ZNF592: variants seen among roughly 807,000 people sequenced by gnomAD.
The protein encoded by ZNF592 is zinc finger protein 592.
In ZNF592, 11 loss-of-function variants were observed where a neutral mutation model predicts 80.3. That is an observed-to-expected ratio of 0.14 (90% CI 0.09 to 0.23). The LOEUF is 0.23. Among genes scored for constraint, ZNF592 ranks in the 10% least tolerant of loss-of-function variants. The pLI is 1.00. For synonymous variants in ZNF592, 646 were observed against 640.3 expected (o/e 1.01, Z -0.13); for missense variants, 1,420 against 1,633.9 (o/e 0.87, Z 2.26).
chr15:84,779,665 A>G lies in ZNF592; in HGVS notation c.-20+1353A>G, dbSNP rs371722359. On this transcript the variant is annotated intron_variant, in intron 3 of 10. Transcript: ENST00000560079. ...CTGTGCCTGACCTAAAATCTCTATA[A>G]AAGTTTTTTTTTCTGCTGCTAATAT... Among the ~76,000 whole-genome samples the G allele has an allele frequency of 9.2e-5, 14 of 152,028 alleles. No homozygotes were observed. In the East Asian group the frequency reaches 2.1e-3, roughly 23 times the overall value.
At chr15:84,774,042 T>G (rs1274398092) in intron 2 of ZNF592, among the ~76,000 whole-genome samples, 1 of 152,234 alleles carries the variant, frequency 6.6e-6, no homozygotes, top group African/African-American at 2.4e-5. Context: ...CTAAGCTGAT[T>G]GAACAGTGTA....
chr15:84,790,822 G>C lies in ZNF592; in HGVS notation c.2338G>C (p.Ala780Pro). ...CPECGVLCRS[A>P]YFQTHVKENC... is the part of the protein sequence containing the mutation. ...GGAGTGTGGGGTCCTCTGCCGCTCT[G>C]CCTACTTCCAGACCCATGTAAAGGA... Residue 780 changes from alanine (A) to proline (P), a missense_variant, in exon 5 of 11, where the codon GCC becomes CCC. Around this residue, in one of 7 missense-constraint regions of ZNF592, gnomAD observed 524 missense variants for 628.3 expected, o/e 0.83. Transcript: ENST00000560079. 6.2e-7 allele frequency: 1 copy of C among 1,614,218 alleles called. No individual in the cohort carries two copies. Among genetic ancestry groups the C allele is most frequent in the Middle Eastern group, 1.6e-4 (1 of 6,062 alleles).
At chr15:84,749,269 C>G (rs1398313357) in intron 1 of ZNF592, among the ~76,000 whole-genome samples, 2 of 152,184 alleles carry the variant, frequency 1.3e-5, no homozygotes, top group African/African-American at 4.8e-5. Context: ...TGAAAATTGT[C>G]TCTCTGCAAG....
intron 2 of ZNF592, among the ~76,000 whole-genome samples, chr15:84,770,715 C>G (rs1263871699): frequency 6.6e-6 from 1 of 151,986 alleles, no homozygotes; most frequent in Non-Finnish European, 1.5e-5. Flanking sequence ...AACCAAAAAG[C>G]AGGAATCCAT....
intron 2 of ZNF592, 114 bp downstream of exon 2, chr15:84,764,929 A>G (rs985194625): frequency 3.3e-5 from 13 of 394,526 alleles, no homozygotes; most frequent in Non-Finnish European, 5.4e-5. Context: ...TGATGATAAA[A>G]TACATATAAC....
chr15:84,783,307 C>T lies in ZNF592; in HGVS notation c.632C>T (p.Pro211Leu). 6.2e-7 allele frequency: 1 copy of T among 1,614,226 alleles called. No individual in the cohort carries two copies. Among genetic ancestry groups the T allele is most frequent in the East Asian group, 2.2e-5 (1 of 44,882 alleles). The part of the protein sequence containing the change: ...CKKEPKPEPL[P>L]LGSQQEHEQS... ...AAAGAACCCAAGCCAGAACCCCTGC[C>T]CTTGGGGAGCCAGCAGGAACACGAG... Residue 211 changes from proline to leucine, a missense_variant, in exon 4 of 11, where the codon CCC becomes CTC. Coordinates refer to ENST00000560079, the MANE Select transcript of ZNF592 (RefSeq NM_014630.3). The surrounding 1 kb of genome is among the most constrained non-coding windows in gnomAD (Gnocchi z 5.0).
In ZNF592 at chr15:84,802,571, G is replaced by A. The variant is rs1963132947; in HGVS notation, c.*178G>A. ...ATCCCCCAGCCCCAGGAAATGTGGGGTCGGCCAGGACCCTCACAGCTCTGA... is the reference window on the plus strand; with the variant it reads ...ATCCCCCAGCCCCAGGAAATGTGGGATCGGCCAGGACCCTCACAGCTCTGA... On this transcript the variant is annotated 3_prime_UTR_variant, in exon 11 of 11. Coordinates refer to ENST00000560079, the MANE Select transcript of ZNF592 (RefSeq NM_014630.3). The A allele has an allele frequency of 2.8e-6, 2 of 726,396 alleles. No homozygotes were observed. The highest frequency in any genetic ancestry group is 1.8e-5 in the African/African-American group (1 of 56,962). The allele number at this position is 726,396 out of a possible 1,614,324, so 45.0% of individuals were successfully genotyped here.
Position 84,783,033 on chromosome 15 carries a change from G to A in ZNF592, c.358G>A (p.Ala120Thr), listed in dbSNP as rs759601184. Residue 120 changes from alanine (A) to threonine (T), a missense_variant, in exon 4 of 11, where the codon GCC becomes ACC. By Grantham distance (58) the Ala-to-Thr change is moderately conservative. Around this residue, in one of 7 missense-constraint regions of ZNF592, gnomAD observed 373 missense variants for 355.5 expected, o/e 1.05. Transcript: ENST00000560079. This position sits in a 1 kb window ranked among gnomAD's most constrained non-coding sequence, Gnocchi z 5.0. ...TTCTACTTTTATGAATGGAGACAGT[G>A]CCAGGAGTTTCCCTGGCAAACTGGA... is the stretch of plus-strand genomic sequence containing the variant. ...FDSTFMNGDS[A>T]RSFPGKLEPP... The A allele has an allele frequency of 1.2e-6, 2 of 1,614,164 alleles. No homozygotes were observed. Among genetic ancestry groups the A allele is most frequent in the Admixed American group, 1.7e-5 (1 of 60,018 alleles).
Position 84,802,566 on chromosome 15 carries a change from G to A in ZNF592, c.*173G>A. 2 of 765,884 alleles carry A rather than the reference G, an allele frequency of 2.6e-6. No homozygotes were observed. Among genetic ancestry groups the A allele is most frequent in the Non-Finnish European group, 4.2e-6 (2 of 473,744 alleles). The allele number at this position is 765,884 out of a possible 1,614,324, so 47.4% of individuals were successfully genotyped here. On this transcript the variant is annotated 3_prime_UTR_variant, in exon 11 of 11. Coordinates refer to ENST00000560079, the MANE Select transcript of ZNF592 (RefSeq NM_014630.3). ...TGGGTATCCCCCAGCCCCAGGAAAT[G>A]TGGGGTCGGCCAGGACCCTCACAGC...
intron 3 of ZNF592, among the ~76,000 whole-genome samples, 190 bp downstream of exon 3, chr15:84,778,502 G>A (rs1206368471): frequency 6.6e-6 from 1 of 152,248 alleles, no homozygotes; most frequent in Non-Finnish European, 1.5e-5. Flanking sequence ...CATGTTGCCA[G>A]GAACATGTAG....
At chr15:84,777,411 G>A (rs578178448) in intron 2 of ZNF592, among the ~76,000 whole-genome samples, 38 of 151,186 alleles carry the variant, frequency 2.5e-4, no homozygotes, top group African/African-American at 8.7e-4. Context: ...GGGAAGTGGA[G>A]GTTGCAGTGA....
chr15:84,796,268 TA>T lies in ZNF592; in HGVS notation c.2400-1600del, dbSNP rs1428492339. 2.3e-4 allele frequency among the ~76,000 whole-genome samples: 9 copies of T among 39,360 alleles called. No individual in the cohort carries two copies. The South Asian group carries it at 3.9e-3, about 17-fold the overall frequency. The allele number at this position is 39,360 out of a possible 152,430, so 25.8% of individuals were successfully genotyped here. ...TATATATATATATATATATATATTT[TA>T]TATATATATATATATATATATATAT... On this transcript the variant is annotated intron_variant, in intron 5 of 10. Coordinates refer to ENST00000560079, the MANE Select transcript of ZNF592 (RefSeq NM_014630.3).
intron 5 of ZNF592, among the ~76,000 whole-genome samples, chr15:84,794,098 G>T (rs1023456353): frequency 7.3e-5 from 11 of 150,928 alleles, no homozygotes; most frequent in Admixed American, 2.0e-4. Context: ...TCAGCGGGTG[G>T]GGGGCTAGGG....
chr15:84,798,001 C>T lies in ZNF592; in HGVS notation c.2532C>T (p.Asp844=), dbSNP rs1378967331. Residue 844 remains aspartate, a synonymous_variant, in exon 6 of 11, where the codon GAC becomes GAT. Coordinates refer to ENST00000560079, the MANE Select transcript of ZNF592 (RefSeq NM_014630.3). This position sits in a 1 kb window ranked among gnomAD's most constrained non-coding sequence, Gnocchi z 4.5. ...MAFKTASSTA[D]HSATQHPTQP... ...TCAAGACTGCCAGCAGCACTGCAGA[C>T]CACAGTGCCACCCAGCACCCCACCC... 1.2e-6 allele frequency: 2 copies of T among 1,614,020 alleles called. No individual in the cohort carries two copies. Among genetic ancestry groups the T allele is most frequent in the East Asian group, 2.2e-5 (1 of 44,894 alleles).
rs776741627 is a variant in ZNF592 at position 84,783,294 on chromosome 15, C to G, written c.619C>G (p.Pro207Ala). 6.2e-6 allele frequency: 10 copies of G among 1,614,118 alleles called. No individual in the cohort carries two copies. The East Asian group carries it at 2.0e-4, about 32-fold the overall frequency. The change falls in exon 4 of 11, where the codon CCA (proline) becomes GCA (alanine). Residue 207 changes from proline to alanine, a missense_variant. Around this residue, in one of 7 missense-constraint regions of ZNF592, gnomAD observed 373 missense variants for 355.5 expected, o/e 1.05. Coordinates refer to ENST00000560079, the MANE Select transcript of ZNF592 (RefSeq NM_014630.3). The surrounding 1 kb of genome is among the most constrained non-coding windows in gnomAD (Gnocchi z 5.0). ...TCATTTTTGTAAGAAAGAACCCAAG[C>G]CAGAACCCCTGCCCTTGGGGAGCCA... Reference protein sequence around the residue: ...FDHFCKKEPKPEPLPLGSQQE... With the variant: ...FDHFCKKEPKAEPLPLGSQQE...
chr15:84,751,934 C>CA (rs1015471902), intron 1 of ZNF592, among the ~76,000 whole-genome samples: 5 of 151,418 alleles, frequency 3.3e-5, no homozygotes, highest in Middle Eastern at 3.4e-3. Flanking sequence ...ACAACAACAA[C>CA]AAAAAAAACT....
At position 84,802,639 on chromosome 15, in the gene ZNF592, C is replaced by T. The variant is rs1381658105; in HGVS notation, c.*246C>T. 7.1e-6 allele frequency: 4 copies of T among 565,828 alleles called. No individual in the cohort carries two copies. The African/African-American group carries it at 7.5e-5, about 11-fold the overall frequency. The allele number at this position is 565,828 out of a possible 1,614,324, so 35.1% of individuals were successfully genotyped here. A position where few individuals can be genotyped will look rare whatever the true frequency, so the allele number is the denominator to read the frequency against. ...ATGGCTTTTCGCTGCTTCTTGGTGC[C>T]CCATCTCTTGTCTGTGTCCTTCCAA... On this transcript the variant is annotated 3_prime_UTR_variant, in exon 11 of 11. Transcript: ENST00000560079.
At chr15:84,791,285 G>T (rs1281539562) in intron 5 of ZNF592, among the ~76,000 whole-genome samples, 1 of 152,290 alleles carries the variant, frequency 6.6e-6, no homozygotes, top group South Asian at 2.1e-4. Flanking sequence ...AACAAATGGG[G>T]CTGCAAGATG....
At chr15:84,800,080 G>A (rs1205970510) in intron 10 of ZNF592, 103 bp downstream of exon 10, 2 of 1,564,176 alleles carry the variant, frequency 1.3e-6, no homozygotes, top group Non-Finnish European at 1.8e-6. Flanking sequence ...CAACCAGAGT[G>A]ACAGCTTCCC....
Sources: allele counts gnomAD v4.1 joint callset (sites outside exome capture counted in the v4.1 genomes callset), GRCh38; gene constraint gnomAD v4.1.1; regional missense constraint gnomAD v4.1.1; non-coding constraint Gnocchi (gnomAD v3.1); transcripts MANE v1.5; gene names NCBI Gene and HGNC (gene_info 2026-07-23, HGNC 2026-07-21).